The following HMGXB3 variants were observed in gnomAD, a reference collection of about 807,000 sequenced individuals.
HMGXB3 encodes HMG domain-containing protein 3.
A neutral mutation model predicts 121.5 loss-of-function variants in HMGXB3; 45 were observed. That is an observed-to-expected ratio of 0.37 (90% confidence interval 0.29 to 0.47). HMGXB3 has a LOEUF of 0.47. Ranked by LOEUF, HMGXB3 falls within the 20% of genes least tolerant of loss-of-function variation. HMGXB3 has a pLI of 0.99. For synonymous variants in HMGXB3, 590 were observed against 624.1 expected (o/e 0.95, Z 0.81); for missense variants, 1,376 against 1,602.2 (o/e 0.86, Z 2.41).
intron 6 of HMGXB3, among the ~76,000 whole-genome samples, chr5:150,020,685 G>C (rs1381278310): frequency 6.7e-6 from 1 of 150,296 alleles, no homozygotes. Flanking sequence ...TCAGCTTCCT[G>C]AGTAGCTGGT....
intron 3 of HMGXB3, among the ~76,000 whole-genome samples, chr5:150,009,795 G>T (rs1415121600): frequency 6.6e-6 from 1 of 152,182 alleles, no homozygotes; most frequent in Non-Finnish European, 1.5e-5. Context: ...ATTTGCTCAA[G>T]GCTATGCCAG....
In HMGXB3 at chr5:150,021,542, T is replaced by TA. The variant is rs796144501; in HGVS notation, c.1042-2718dup. 5.0e-4 allele frequency: 178 copies of TA among 356,030 alleles called. 1 individual carries two copies. The highest frequency in any genetic ancestry group is 2.1e-3 in the Middle Eastern group (2 of 934). 22.1% of individuals were successfully genotyped at this position (356,030 alleles called of 1,614,324 possible). A position where few individuals can be genotyped will look rare whatever the true frequency, so the allele number is the denominator to read the frequency against. On this transcript the variant is annotated intron_variant, in intron 6 of 19. Coordinates refer to ENST00000502717, the MANE Select transcript of HMGXB3 (RefSeq NM_014983.3). ...AGATTTTTTGTTTTTTAACAACTGG[T>TA]AATCAATGTATTAAAATAGTTGACT...
chr5:150,001,189 G>C lies in HMGXB3; in HGVS notation c.-3+10G>C, dbSNP rs1241667600. 6.5e-6 allele frequency: 1 copy of C among 152,700 alleles called. No individual in the cohort carries two copies. Among genetic ancestry groups the C allele is most frequent in the African/African-American group, 2.4e-5 (1 of 41,488 alleles). 9.5% of individuals were successfully genotyped at this position (152,700 alleles called of 1,614,324 possible). A position where few individuals can be genotyped will look rare whatever the true frequency, so the allele number is the denominator to read the frequency against. Reference sequence around the variant, plus strand: ...TTGCACGCTCCTCCGGGTAAGTCCCGCCTTCGAGGGCCGCGCCGAGCCGCT... The same window carrying C: ...TTGCACGCTCCTCCGGGTAAGTCCCCCCTTCGAGGGCCGCGCCGAGCCGCT... On this transcript the variant is annotated intron_variant, in intron 1 of 19. Transcript: ENST00000502717.
intron 5 of HMGXB3, among the ~76,000 whole-genome samples, chr5:150,013,498 G>T (rs963609640): frequency 1.3e-5 from 2 of 152,166 alleles, no homozygotes; most frequent in Non-Finnish European, 2.9e-5. Context: ...CTCAGAATTT[G>T]GCTCAGAATT....
intron 6 of HMGXB3, 144 bp from the exon 7 acceptor site, chr5:150,024,118 C>A: frequency 1.4e-6 from 1 of 705,382 alleles, no homozygotes; most frequent in Non-Finnish European, 2.2e-6. Flanking sequence ...TAGTTTTACA[C>A]TTGAGATCTT....
At chr5:150,004,796 C>A in intron 1 of HMGXB3, 55 bp from the exon 2 acceptor site, 2 of 1,239,004 alleles carry the variant, frequency 1.6e-6, no homozygotes, top group Non-Finnish European at 2.3e-6. Context: ...CAGGAAGCTG[C>A]TGCCCCTCTT....
In HMGXB3 at chr5:150,050,553, C is replaced by T. The variant is rs929500308; in HGVS notation, c.3411+92C>T. On this transcript the variant is annotated intron_variant, in intron 19 of 19. Coordinates refer to ENST00000502717, the MANE Select transcript of HMGXB3 (RefSeq NM_014983.3). ...CTGGAGTGCAGTGGTGTTATCTCGG[C>T]TCACTGCAACCTCTGCCTCCCAGGT... is the stretch of plus-strand genomic sequence containing the variant. 7 of 953,648 alleles carry T rather than the reference C, an allele frequency of 7.3e-6. No homozygotes were observed. In the African/African-American group the frequency reaches 9.8e-5, roughly 13 times the overall value. 59.1% of individuals were successfully genotyped at this position (953,648 alleles called of 1,614,324 possible). A position where few individuals can be genotyped will look rare whatever the true frequency, so the allele number is the denominator to read the frequency against.
chr5:150,033,068 G>A (rs192891324), intron 11 of HMGXB3, among the ~76,000 whole-genome samples: 28 of 152,260 alleles, frequency 1.8e-4, no homozygotes, highest in Admixed American at 7.2e-4. Context: ...AGCAGTCTAG[G>A]CAGCCCTCCT....
In HMGXB3 at chr5:150,024,416, A is replaced by T; in HGVS notation, c.1196A>T (p.Gln399Leu). ...LTLENSEAVS[Q>L]LLNVAPPREV... ...CTGGAGAATTCGGAAGCTGTAAGCC[A>T]GCTCCTGAACGTAGCTCCTCCCAGA... The change falls in exon 7 of 20, where the codon CAG (glutamine) becomes CTG (leucine). Residue 399 changes from glutamine (Q) to leucine (L), a missense_variant. Gln to Leu is a moderately radical substitution (Grantham distance 113). Coordinates refer to ENST00000502717, the MANE Select transcript of HMGXB3 (RefSeq NM_014983.3). 2 of 1,551,798 alleles carry T rather than the reference A, an allele frequency of 1.3e-6. No homozygotes were observed. Among genetic ancestry groups the T allele is most frequent in the Non-Finnish European group, 1.7e-6 (2 of 1,147,016 alleles).
At chr5:150,021,360 A>G (rs187459100) in intron 6 of HMGXB3, among the ~76,000 whole-genome samples, 117 of 152,384 alleles carry the variant, frequency 7.7e-4, no homozygotes, top group African/African-American at 2.8e-3. Flanking sequence ...CTAAATTCAC[A>G]CAGCCAATTA....
rs550326434 is a variant in HMGXB3, at chr5:150,017,896, G to C, written c.910-670G>C. 4.6e-5 allele frequency among the ~76,000 whole-genome samples: 7 copies of C among 152,294 alleles called. No individual in the cohort carries two copies. In the East Asian group the frequency reaches 1.3e-3, roughly 29 times the overall value. On this transcript the variant is annotated intron_variant, in intron 5 of 19. Coordinates refer to ENST00000502717, the MANE Select transcript of HMGXB3 (RefSeq NM_014983.3). ...ATACATTTTGCTCAAAGGGAGATCAGTGGAGATGATAAGAGCCAGTGGCTA... is the reference window on the plus strand; with the variant it reads ...ATACATTTTGCTCAAAGGGAGATCACTGGAGATGATAAGAGCCAGTGGCTA...
At chr5:150,006,730 C>T in intron 3 of HMGXB3, 83 bp downstream of exon 3, 1 of 1,250,264 alleles carries the variant, frequency 8.0e-7, no homozygotes, top group Non-Finnish European at 1.1e-6. Flanking sequence ...TGTTCTGTTT[C>T]CTTTTCTTTT....
chr5:150,008,760 C>T (rs1006953915), intron 3 of HMGXB3, among the ~76,000 whole-genome samples: 2 of 152,206 alleles, frequency 1.3e-5, no homozygotes, highest in Admixed American at 6.5e-5. Flanking sequence ...AAGTCCAGGC[C>T]ATGCTGTGTG....
rs755693613 is a variant in HMGXB3 at position 150,010,260 on chromosome 5, C to A, written c.462C>A (p.Asn154Lys). The change falls in exon 4 of 20, where the codon AAC becomes AAA. Residue 154 changes from asparagine (N) to lysine (K), a missense_variant. Physicochemically the swap from Asn to Lys is moderately conservative, Grantham distance 94. Around this residue, in one of 2 missense-constraint regions of HMGXB3, gnomAD observed 1,116 missense variants for 1,369.0 expected, o/e 0.82. Transcript: ENST00000502717. Reference protein sequence around the residue: ...CPQLELCVAQNQMSPKGPPLV... With the variant: ...CPQLELCVAQKQMSPKGPPLV... Reference sequence around the variant, plus strand: ...AGCTAGAGCTATGTGTGGCTCAGAACCAGATGTCCCCGAAAGGACCTCCTC... The same window carrying A: ...AGCTAGAGCTATGTGTGGCTCAGAAACAGATGTCCCCGAAAGGACCTCCTC... 6 of 1,551,832 alleles carry A rather than the reference C, an allele frequency of 3.9e-6. No homozygotes were observed. In the South Asian group the frequency reaches 7.1e-5, roughly 18 times the overall value.
At chr5:150,019,625 G>A (rs891086965) in intron 6 of HMGXB3, among the ~76,000 whole-genome samples, 1 of 152,210 alleles carries the variant, frequency 6.6e-6, no homozygotes, top group Non-Finnish European at 1.5e-5. Context: ...TAAGGACTGA[G>A]ACAGACAGGC....
chr5:150,033,697 AG>A (rs941420132), intron 11 of HMGXB3, among the ~76,000 whole-genome samples: 2 of 152,134 alleles, frequency 1.3e-5, no homozygotes, highest in African/African-American at 4.8e-5. Flanking sequence ...AGAGGCCTAG[AG>A]GAAAGTTATT....
Position 150,040,717 on chromosome 5 carries a change from A to G in HMGXB3, c.2414-31A>G, listed in dbSNP as rs199516835. Reference sequence around the variant, plus strand: ...TTTTTGCCATTGTGTATGATACATTAATTTCCTTGTTGCCTCTTCTTAACC... The same window carrying G: ...TTTTTGCCATTGTGTATGATACATTGATTTCCTTGTTGCCTCTTCTTAACC... On this transcript the variant is annotated intron_variant, in intron 13 of 19. Coordinates refer to ENST00000502717, the MANE Select transcript of HMGXB3 (RefSeq NM_014983.3). 3.3e-3 allele frequency: 5,076 copies of G among 1,546,700 alleles called. 15 individuals are homozygous for G. Among genetic ancestry groups the G allele is most frequent in the Non-Finnish European group, 4.2e-3 (4,816 of 1,144,872 alleles).
rs1249582074 is a variant in HMGXB3 at position 150,026,758 on chromosome 5, C to T, written c.1513C>T (p.Arg505Trp). The T allele has an allele frequency of 2.3e-5, 36 of 1,551,306 alleles. No individual in the cohort carries two copies. The highest frequency in any genetic ancestry group is 7.9e-5 in the Admixed American group (4 of 50,874). ...AGCTCCAGAGCTTAAAGGCAGAGCA[C>T]GGGGCAAGCCCTCATTACTGGCTGC... ...SRAPELKGRA[R>W]GKPSLLAAAR... Residue 505 changes from arginine to tryptophan, a missense_variant, in exon 8 of 20, where the codon CGG becomes TGG. By Grantham distance (101) the Arg-to-Trp change is moderately radical. This residue lies in a region of HMGXB3 where 1,116 missense variants were observed against 1,369.0 expected (regional missense o/e 0.82). Transcript: ENST00000502717.
intron 2 of HMGXB3, 85 bp downstream of exon 2, chr5:150,005,074 T>G: frequency 1.4e-6 from 2 of 1,464,766 alleles, no homozygotes; most frequent in Non-Finnish European, 9.0e-7. Flanking sequence ...TTTAAGACTC[T>G]TTGAAAAAGA....
Sources: allele counts gnomAD v4.1 joint callset (sites outside exome capture counted in the v4.1 genomes callset), GRCh38; gene constraint gnomAD v4.1.1; regional missense constraint gnomAD v4.1.1; transcripts MANE v1.5; gene names NCBI Gene and HGNC (gene_info 2026-07-23, HGNC 2026-07-21).